Variants in LRP1B observed in about 807,000 individuals in gnomAD.
The protein encoded by LRP1B is low-density lipoprotein receptor-related protein 1B.
In LRP1B, 217 loss-of-function variants were observed where a neutral mutation model predicts 556.6. The ratio of observed to expected loss-of-function variants is 0.39; its 90% CI spans 0.35 to 0.44. LRP1B has a LOEUF of 0.44. LRP1B is among the 20% of genes least tolerant of loss of function. LRP1B has a pLI of 1.00. For missense variants in LRP1B, 5,053 were observed against 5,620.8 expected (o/e 0.90, Z 3.23); for synonymous variants, 2,047 against 1,865.8 (o/e 1.10, Z -2.50).
chr2:141,274,871 C>T (rs1459439375), intron 3 of LRP1B, among the ~76,000 whole-genome samples: 1 of 152,096 alleles, frequency 6.6e-6, no homozygotes, highest in East Asian at 1.9e-4. Context: ...TATGCATAGT[C>T]AAACTATCAG....
intron 2 of LRP1B, among the ~76,000 whole-genome samples, chr2:141,706,173 T>C (rs1410860094): frequency 6.6e-6 from 1 of 152,066 alleles, no homozygotes; most frequent in Non-Finnish European, 1.5e-5. Context: ...TTTTCTAATG[T>C]ATGCCATCTT....
chr2:140,621,881 C>T (rs958244255), intron 41 of LRP1B, among the ~76,000 whole-genome samples: 3 of 152,146 alleles, frequency 2.0e-5, no homozygotes, highest in South Asian at 2.1e-4. Context: ...ATCTGACTTT[C>T]CTGGAGAACA....
chr2:141,064,805 G>T (rs1699434686), intron 7 of LRP1B, among the ~76,000 whole-genome samples: 1 of 151,848 alleles, frequency 6.6e-6, no homozygotes, highest in African/African-American at 2.4e-5. Flanking sequence ...ATTACAATTG[G>T]TAAACACAAG....
At chr2:141,365,641 G>T (rs11889136) in intron 3 of LRP1B, among the ~76,000 whole-genome samples, 8,469 of 97,012 alleles carry the variant, frequency 0.087, 384 homozygotes, top group African/African-American at 0.15. Flanking sequence ...TTTTGTTTTG[G>T]TTTGTTTTTG....
At chr2:140,552,743 G>A (rs746352299) in intron 43 of LRP1B, among the ~76,000 whole-genome samples, 3 of 152,044 alleles carry the variant, frequency 2.0e-5, no homozygotes, top group Non-Finnish European at 4.4e-5. Context: ...CTTTTAGCTT[G>A]ATCCTAGAAA....
At chr2:140,737,002 A>ACATTGGC (rs1687968958) in intron 35 of LRP1B, among the ~76,000 whole-genome samples, 2 of 152,134 alleles carry the variant, frequency 1.3e-5, no homozygotes, top group South Asian at 4.1e-4. Flanking sequence ...GGCCAAAAAT[A>ACATTGGC]CATTGGCAGC....
At chr2:140,509,143 T>C (rs1249253429) in intron 52 of LRP1B, among the ~76,000 whole-genome samples, 1 of 150,734 alleles carries the variant, frequency 6.6e-6, no homozygotes, top group Non-Finnish European at 1.5e-5. Flanking sequence ...ATACAATGCT[T>C]TAAAGATGTG....
Position 140,448,357 on chromosome 2 carries a change from A to T in LRP1B, c.10057+2211T>A, listed in dbSNP as rs540232605. Among the ~76,000 whole-genome samples, 4 of 152,286 alleles carry T rather than the reference A, an allele frequency of 2.6e-5. No individual in the cohort carries two copies. In the South Asian group the frequency reaches 8.3e-4, roughly 32 times the overall value. ...GTAACCAATATATGAAATCAACCAC[A>T]GTGTCCATCAATGGATGAATGAATA... is the stretch of plus-strand genomic sequence containing the variant. On this transcript the variant is annotated intron_variant, in intron 63 of 90. Coordinates refer to ENST00000389484, the MANE Select transcript of LRP1B (RefSeq NM_018557.3).
intron 60 of LRP1B, among the ~76,000 whole-genome samples, chr2:140,473,351 C>A (rs556031827): frequency 6.6e-6 from 1 of 152,032 alleles, no homozygotes; most frequent in African/African-American, 2.4e-5. Context: ...TTTTCAAAAT[C>A]AAGTTTGAAA....
intron 3 of LRP1B, among the ~76,000 whole-genome samples, chr2:141,425,399 T>C (rs892652733): frequency 1.3e-5 from 2 of 149,946 alleles, no homozygotes; most frequent in Non-Finnish European, 3.0e-5. Flanking sequence ...TGTGTCTTTA[T>C]AGCAGCATGA....
chr2:141,799,453 G>T (rs1695930936), intron 2 of LRP1B, among the ~76,000 whole-genome samples: 1 of 152,104 alleles, frequency 6.6e-6, no homozygotes, highest in Admixed American at 6.6e-5. Flanking sequence ...CATGTAGATT[G>T]CTTTTAATTG....
intron 41 of LRP1B, among the ~76,000 whole-genome samples, chr2:140,640,480 C>T (rs1413574942): frequency 3.6e-5 from 5 of 137,234 alleles, no homozygotes; most frequent in Non-Finnish European, 6.1e-5. Context: ...ACTGCAAGCT[C>T]CGCCTCCCGG....
chr2:140,358,939 A>T lies in LRP1B; in HGVS notation c.11139T>A (p.Phe3713Leu). The change falls in exon 73 of 91, where the codon TTT (phenylalanine) becomes TTA (leucine). Residue 3713 changes from phenylalanine to leucine, a missense_variant. Around this residue, in one of 5 missense-constraint regions of LRP1B, gnomAD observed 599 missense variants for 648.4 expected, o/e 0.92. Transcript: ENST00000389484. ...SDEAPDMCVKFLCPSTRPHRC... is the reference protein window; with the variant it reads ...SDEAPDMCVKLLCPSTRPHRC... ...TGTGAGGTCTCGTGGATGGACAAAG[A>T]AATTTGACTGAAGAAAAAGAAGAAA... is the stretch of plus-strand genomic sequence containing the variant. The T allele has an allele frequency of 1.2e-6, 2 of 1,606,984 alleles. No individual in the cohort carries two copies. The highest frequency in any genetic ancestry group is 1.7e-6 in the Non-Finnish European group (2 of 1,175,216).
At chr2:140,267,809 A>G (rs547456804) in intron 86 of LRP1B, among the ~76,000 whole-genome samples, 29 of 152,122 alleles carry the variant, frequency 1.9e-4, no homozygotes, top group African/African-American at 6.7e-4. Flanking sequence ...TAGAGACATA[A>G]GTACACAAAA....
intron 11 of LRP1B, among the ~76,000 whole-genome samples, chr2:141,029,879 T>C (rs1698317938): frequency 1.3e-5 from 2 of 152,168 alleles, no homozygotes; most frequent in South Asian, 2.1e-4. Flanking sequence ...AGAACTGTCC[T>C]GTGTATTGCA....
At chr2:142,128,818 TAA>T (rs2105024806) in intron 1 of LRP1B, among the ~76,000 whole-genome samples, 1 of 152,334 alleles carries the variant, frequency 6.6e-6, no homozygotes, top group African/African-American at 2.4e-5. Flanking sequence ...CTCATGAAAC[TAA>T]ATTGGCACCA....
chr2:141,076,079 GC>G (rs1343792871), intron 7 of LRP1B, among the ~76,000 whole-genome samples: 2 of 152,150 alleles, frequency 1.3e-5, no homozygotes, highest in Admixed American at 1.3e-4. Context: ...AAAAAGTAAG[GC>G]AAAAGTTCTG....
intron 7 of LRP1B, among the ~76,000 whole-genome samples, chr2:141,169,322 A>T (rs924781616): frequency 1.3e-5 from 2 of 149,722 alleles, no homozygotes; most frequent in African/African-American, 4.9e-5. Flanking sequence ...AAATAAATAA[A>T]TAAATAAATA....
intron 27 of LRP1B, among the ~76,000 whole-genome samples, chr2:140,854,207 G>C (rs747032465): frequency 1.2e-4 from 19 of 152,036 alleles, no homozygotes; most frequent in Non-Finnish European, 2.5e-4. Flanking sequence ...ATCCATAACA[G>C]TCTAATGGTA....
Sources: allele counts gnomAD v4.1 joint callset (sites outside exome capture counted in the v4.1 genomes callset), GRCh38; gene constraint gnomAD v4.1.1; regional missense constraint gnomAD v4.1.1; transcripts MANE v1.5; gene names NCBI Gene and HGNC (gene_info 2026-07-23, HGNC 2026-07-21).